Variants in KCNK13 observed in about 807,000 individuals in gnomAD.
The protein encoded by KCNK13 is potassium two pore domain channel subfamily K member 13, also known as potassium channel subfamily K member 13.
KCNK13 carries 12 observed loss-of-function variants against 23.4 expected under a neutral mutation model. The ratio of observed to expected loss-of-function variants is 0.51; its 90% CI spans 0.33 to 0.83. The LOEUF (loss-of-function observed/expected upper bound fraction) is 0.83. KCNK13 is among the 40% of genes least tolerant of loss of function. KCNK13 has a pLI of 0.02. For synonymous variants in KCNK13, 231 were observed against 229.5 expected (o/e 1.01, Z -0.06); for missense variants, 463 against 556.3 (o/e 0.83, Z 1.69).
intron 1 of KCNK13, among the ~76,000 whole-genome samples, chr14:90,172,733 G>A (rs999282697): frequency 6.6e-6 from 1 of 152,110 alleles, no homozygotes; most frequent in Non-Finnish European, 1.5e-5. Flanking sequence ...TACCTGAGAG[G>A]CAATTGGCCA....
rs1221106556 is a variant in KCNK13 at position 90,184,951 on chromosome 14, G to A, written c.1175G>A (p.Gly392Glu). ...ARDNEFSGGV[G>E]AFAIMNNRLA... ...GACAATGAATTCTCAGGGGGGGTGG[G>A]AGCCTTTGCAATCATGAACAACAGG... is the stretch of plus-strand genomic sequence containing the variant. The change falls in exon 2 of 2, where the codon GGA (glycine) becomes GAA (glutamate). Residue 392 changes from glycine to glutamate, a missense_variant. Coordinates refer to ENST00000282146, the MANE Select transcript of KCNK13 (RefSeq NM_022054.4). The surrounding 1 kb of genome is among the most constrained non-coding windows in gnomAD (Gnocchi z 5.6). The A allele has an allele frequency of 1.2e-6, 2 of 1,611,184 alleles. No homozygotes were observed. The highest frequency in any genetic ancestry group is 1.7e-6 in the Non-Finnish European group (2 of 1,178,426).
intron 1 of KCNK13, among the ~76,000 whole-genome samples, chr14:90,105,506 G>A (rs1196794600): frequency 2.0e-5 from 3 of 152,092 alleles, no homozygotes; most frequent in South Asian, 2.1e-4. Context: ...CAGTTGATGG[G>A]GACATTCTGT....
At chr14:90,151,454 A>G (rs775707306) in intron 1 of KCNK13, among the ~76,000 whole-genome samples, 28 of 152,174 alleles carry the variant, frequency 1.8e-4, no homozygotes, top group Non-Finnish European at 2.6e-4. Context: ...ATGTCTGTTC[A>G]GGTCCTTTGC....
chr14:90,154,288 G>T (rs1330725684), intron 1 of KCNK13, among the ~76,000 whole-genome samples: 1 of 149,644 alleles, frequency 6.7e-6, no homozygotes, highest in Non-Finnish European at 1.5e-5. Context: ...TACCCACAAT[G>T]CTGTGCTCTC....
At chr14:90,148,850 T>C (rs1006504440) in intron 1 of KCNK13, among the ~76,000 whole-genome samples, 1 of 152,226 alleles carries the variant, frequency 6.6e-6, no homozygotes, top group Non-Finnish European at 1.5e-5. Flanking sequence ...CAACACACTG[T>C]TCTTGCTATC....
Position 90,154,531 on chromosome 14 carries a change from C to T in KCNK13, c.335-29580C>T, listed in dbSNP as rs115682392. On this transcript the variant is annotated intron_variant, in intron 1 of 1. Coordinates refer to ENST00000282146, the MANE Select transcript of KCNK13 (RefSeq NM_022054.4). Reference sequence around the variant, plus strand: ...TGCTCTTTACTAAGCATGTGCTCTACTAGCCTAGCCCATCCTGCAGTCTGT... The same window carrying T: ...TGCTCTTTACTAAGCATGTGCTCTATTAGCCTAGCCCATCCTGCAGTCTGT... Among the ~76,000 whole-genome samples, 1,323 of 152,350 alleles carry T rather than the reference C, an allele frequency of 8.7e-3. 31 individuals carry two copies. Among genetic ancestry groups the T allele is most frequent in the African/African-American group, 0.03 (1,258 of 41,582 alleles).
intron 1 of KCNK13, among the ~76,000 whole-genome samples, chr14:90,180,676 T>G (rs1404059762): frequency 6.6e-6 from 1 of 152,194 alleles, no homozygotes; most frequent in Admixed American, 6.5e-5. Context: ...ATGTTAAATC[T>G]CTGGAACATG....
intron 1 of KCNK13, among the ~76,000 whole-genome samples, chr14:90,063,793 TC>T (rs1888975188): frequency 6.6e-6 from 1 of 152,164 alleles, no homozygotes; most frequent in African/African-American, 2.4e-5. Flanking sequence ...GTCAGATTCA[TC>T]ATGAAAGACT....
chr14:90,072,854 T>C (rs1209904853), intron 1 of KCNK13, among the ~76,000 whole-genome samples: 1 of 152,224 alleles, frequency 6.6e-6, no homozygotes, highest in Non-Finnish European at 1.5e-5. Context: ...ATGTGATTTT[T>C]TTTTTACTAT....
chr14:90,141,320 G>C (rs770553666), intron 1 of KCNK13, among the ~76,000 whole-genome samples: 34 of 152,210 alleles, frequency 2.2e-4, no homozygotes, highest in Admixed American at 7.8e-4. Context: ...ACATACAATA[G>C]TCTGCACATA....
At chr14:90,158,158 C>T (rs576172479) in intron 1 of KCNK13, among the ~76,000 whole-genome samples, 1 of 152,328 alleles carries the variant, frequency 6.6e-6, no homozygotes, top group African/African-American at 2.4e-5. Context: ...AGGAGCAGAC[C>T]TGTCAATGGC....
intron 1 of KCNK13, among the ~76,000 whole-genome samples, chr14:90,092,773 C>T (rs549494786): frequency 1.3e-5 from 2 of 151,814 alleles, no homozygotes; most frequent in African/African-American, 4.8e-5. Flanking sequence ...ATTAGCTGGG[C>T]CTGATGGTGC....
chr14:90,172,695 T>C (rs1890378802), intron 1 of KCNK13, among the ~76,000 whole-genome samples: 1 of 152,148 alleles, frequency 6.6e-6, no homozygotes, highest in Admixed American at 6.5e-5. Flanking sequence ...TATAAGTGTG[T>C]GGGTTTGCAT....
chr14:90,162,105 G>A (rs1190830444), intron 1 of KCNK13, among the ~76,000 whole-genome samples: 2 of 152,158 alleles, frequency 1.3e-5, no homozygotes, highest in African/African-American at 4.8e-5. Flanking sequence ...ACTTGAGCCT[G>A]GGAGGGCGAG....
Position 90,184,355 on chromosome 14 carries a change from C to T in KCNK13, c.579C>T (p.Ser193=), listed in dbSNP as rs751935222. ...EVDSLAGWKP[S]VYYVMLILCT... ...ACAGCCTGGCCGGCTGGAAGCCCTC[C>T]GTGTACTACGTCATGCTGATCCTAT... The change falls in exon 2 of 2, where the codon TCC becomes TCT. Residue 193 remains serine, a synonymous_variant. Transcript: ENST00000282146. The surrounding 1 kb of genome is among the most constrained non-coding windows in gnomAD (Gnocchi z 5.6). The T allele has an allele frequency of 6.8e-6, 11 of 1,614,138 alleles. No homozygotes were observed. Among genetic ancestry groups the T allele is most frequent in the Admixed American group, 1.7e-5 (1 of 60,018 alleles).
At chr14:90,127,453 CT>C (rs11404565) in intron 1 of KCNK13, among the ~76,000 whole-genome samples, 85 of 132,990 alleles carry the variant, frequency 6.4e-4, no homozygotes, top group African/African-American at 1.3e-3. Context: ...GCTCACCATA[CT>C]TTTTTTTTTT....
chr14:90,079,002 G>A (rs1002393612), intron 1 of KCNK13, among the ~76,000 whole-genome samples: 7 of 152,206 alleles, frequency 4.6e-5, no homozygotes, highest in African/African-American at 1.7e-4. Context: ...ACTCTATCCC[G>A]TAGAAGAGGT....
At chr14:90,165,933 C>T (rs1386516029) in intron 1 of KCNK13, among the ~76,000 whole-genome samples, 1 of 152,200 alleles carries the variant, frequency 6.6e-6, no homozygotes, top group African/African-American at 2.4e-5. Flanking sequence ...CAAGCTGATG[C>T]ACTCTGATTC....
rs150198008 is a variant in KCNK13 at position 90,094,003 on chromosome 14, A to G, written c.334+31464A>G. ...TTTCCACCTCTGGCCTCTTTCTCTC[A>G]TGACAGCAGATCTCTTCTGCTTGAG... On this transcript the variant is annotated intron_variant, in intron 1 of 1. Transcript: ENST00000282146. Among the ~76,000 whole-genome samples the G allele has an allele frequency of 7.9e-4, 120 of 152,162 alleles. No individual in the cohort carries two copies. The East Asian group carries it at 0.012, about 15-fold the overall frequency.
Sources: gnomAD v4.1 joint callset for allele counts (sites outside exome capture counted in the v4.1 genomes callset) on GRCh38, gnomAD v4.1.1 for gene constraint, Gnocchi (gnomAD v3.1) non-coding constraint, MANE v1.5 for transcripts, NCBI Gene and HGNC (gene_info 2026-07-23, HGNC 2026-07-21) for gene names.